The following CSRNP3 variants were observed in gnomAD, a reference collection of about 807,000 sequenced individuals.
CSRNP3 encodes cysteine and serine rich nuclear protein 3, also known as cysteine/serine-rich nuclear protein 3.
Under a neutral mutation model 48.0 loss-of-function variants are expected in CSRNP3, and 12 were observed. The observed-to-expected ratio is 0.25, with a 90% CI of 0.16 to 0.41. The LOEUF (loss-of-function observed/expected upper bound fraction) is 0.41. Ranked by LOEUF, CSRNP3 falls within the 10% of genes least tolerant of loss-of-function variation. The pLI, the probability that CSRNP3 is intolerant of heterozygous loss-of-function variation, is 1.00. For missense variants in CSRNP3, 580 were observed against 724.4 expected (o/e 0.80, Z 2.29); for synonymous variants, 263 against 269.7 (o/e 0.98, Z 0.24).
intron 3 of CSRNP3, among the ~76,000 whole-genome samples, chr2:165,522,770 A>G (rs375604289): frequency 6.6e-6 from 1 of 152,010 alleles, no homozygotes; most frequent in African/African-American, 2.4e-5. Context: ...GTTTGCTTGG[A>G]AACTAGCAGC....
chr2:165,489,154 G>A (rs552702482), intron 1 of CSRNP3, among the ~76,000 whole-genome samples: 2 of 150,890 alleles, frequency 1.3e-5, no homozygotes, highest in African/African-American at 2.5e-5. Flanking sequence ...TACCATCAGA[G>A]AATACTACAA....
chr2:165,544,859 A>G lies in CSRNP3; in HGVS notation c.-24+26898A>G, dbSNP rs73969296. Among the ~76,000 whole-genome samples the G allele has an allele frequency of 2.2e-3, 329 of 152,292 alleles. 1 individual carries two copies. Among genetic ancestry groups the G allele is most frequent in the African/African-American group, 7.5e-3 (312 of 41,552 alleles). On this transcript the variant is annotated intron_variant, in intron 3 of 6. Transcript: ENST00000651982. ...AAACCACAAGAGACTGTAAGATCAC[A>G]AAAAAGGTAAATGTAAATAGAGAAA...
At chr2:165,614,630 AT>A (rs1291372540) in intron 4 of CSRNP3, among the ~76,000 whole-genome samples, 2 of 152,130 alleles carry the variant, frequency 1.3e-5, no homozygotes, top group African/African-American at 4.8e-5. Flanking sequence ...ACAGTTTTTA[AT>A]CATGAAGGAT....
At chr2:165,496,836 T>C (rs544905213) in intron 2 of CSRNP3, among the ~76,000 whole-genome samples, 3 of 152,144 alleles carry the variant, frequency 2.0e-5, no homozygotes, top group Admixed American at 6.6e-5. Flanking sequence ...TCTATGACTT[T>C]CCTAAAGTTA....
At chr2:165,666,122 AAAGGAAGG>A (rs771470816) in intron 5 of CSRNP3, among the ~76,000 whole-genome samples, 9 of 110,370 alleles carry the variant, frequency 8.2e-5, no homozygotes, top group East Asian at 3.4e-4. Context: ...AGAGAGAGAG[AAAGGAAGG>A]AAGGAAGGAA....
rs914982264 is a variant in CSRNP3 at position 165,684,542 on chromosome 2, A to G, written c.*4789A>G. On this transcript the variant is annotated 3_prime_UTR_variant, in exon 7 of 7. Transcript: ENST00000651982. ...TGGTTGTATTCTTACCACAACCAAA[A>G]CCCAAAGTTTAAAGGCTTGATTACT... 8 of 152,076 alleles carry G rather than the reference A, an allele frequency of 5.3e-5. No homozygotes were observed. Among genetic ancestry groups the G allele is most frequent in the African/African-American group, 1.9e-4 (8 of 41,426 alleles). The allele number at this position is 152,076 out of a possible 1,614,324, so 9.4% of individuals were successfully genotyped here. A position where few individuals can be genotyped will look rare whatever the true frequency, so the allele number is the denominator to read the frequency against.
intron 4 of CSRNP3, among the ~76,000 whole-genome samples, chr2:165,638,461 CAA>C (rs202179325): frequency 2.1e-5 from 3 of 141,188 alleles, no homozygotes; most frequent in Non-Finnish European, 3.1e-5. Context: ...AACTCCATCT[CAA>C]AAAAAAAAAA....
At chr2:165,515,590 T>A (rs1287658772) in intron 2 of CSRNP3, among the ~76,000 whole-genome samples, 3 of 151,400 alleles carry the variant, frequency 2.0e-5, no homozygotes, top group Admixed American at 1.3e-4. Flanking sequence ...CGAAATAGCA[T>A]CCTCATTTTC....
At chr2:165,566,210 A>C (rs74762554) in intron 3 of CSRNP3, among the ~76,000 whole-genome samples, 8 of 5,612 alleles carry the variant, frequency 1.4e-3, no homozygotes, top group South Asian at 0.011. Flanking sequence ...CTATCGAGAT[A>C]AAAAAAAATC....
chr2:165,563,028 A>G (rs1160185882), intron 3 of CSRNP3, among the ~76,000 whole-genome samples: 2 of 152,158 alleles, frequency 1.3e-5, no homozygotes, highest in African/African-American at 4.8e-5. Flanking sequence ...CTGCTGTGCT[A>G]TAGACTGAAA....
chr2:165,616,015 G>A (rs541600564), intron 4 of CSRNP3, among the ~76,000 whole-genome samples: 1 of 151,094 alleles, frequency 6.6e-6, no homozygotes, highest in African/African-American at 2.4e-5. Flanking sequence ...ACAGGCATGA[G>A]CCATCATGCC....
At chr2:165,581,526 G>T (rs550118220) in intron 3 of CSRNP3, among the ~76,000 whole-genome samples, 4 of 125,256 alleles carry the variant, frequency 3.2e-5, no homozygotes, top group South Asian at 5.2e-4. Flanking sequence ...GTTATGCCCT[G>T]CCCACCCCTC....
chr2:165,535,224 TA>T (rs1206834071), intron 3 of CSRNP3, among the ~76,000 whole-genome samples: 4 of 151,768 alleles, frequency 2.6e-5, no homozygotes, highest in Non-Finnish European at 5.9e-5. Flanking sequence ...TTTAGATACA[TA>T]TTTTTTGTAA....
At position 165,681,527 on chromosome 2, in the gene CSRNP3, GCTCTTCCA is replaced by G. The variant is rs1340864359; in HGVS notation, c.*1777_*1784del. The G allele has an allele frequency of 6.6e-6, 1 of 151,492 alleles. No individual in the cohort carries two copies. The highest frequency in any genetic ancestry group is 1.5e-5 in the Non-Finnish European group (1 of 67,888). 9.4% of individuals were successfully genotyped at this position (151,492 alleles called of 1,614,324 possible). A position where few individuals can be genotyped will look rare whatever the true frequency, so the allele number is the denominator to read the frequency against. Reference sequence around the variant, plus strand: ...TTGGGGAAAAAATGTTTACTTGGCAGCTCTTCCACTGTGCAGTTGGTTTCTGCCCCTTC... The same window carrying G: ...TTGGGGAAAAAATGTTTACTTGGCAGCTGTGCAGTTGGTTTCTGCCCCTTC... On this transcript the variant is annotated 3_prime_UTR_variant, in exon 7 of 7. Transcript: ENST00000651982.
intron 3 of CSRNP3, among the ~76,000 whole-genome samples, chr2:165,575,226 G>C (rs1014553027): frequency 1.4e-4 from 22 of 151,992 alleles, no homozygotes; most frequent in African/African-American, 5.3e-4. Flanking sequence ...AGTCTGTCCT[G>C]CACCAAATAA....
intron 1 of CSRNP3, among the ~76,000 whole-genome samples, chr2:165,478,805 T>A (rs1173818229): frequency 6.6e-6 from 1 of 152,168 alleles, no homozygotes; most frequent in Non-Finnish European, 1.5e-5. Flanking sequence ...TGTATGTAGG[T>A]TACTTCCATC....
chr2:165,507,969 G>T (rs1057335172), intron 2 of CSRNP3, among the ~76,000 whole-genome samples: 1 of 151,956 alleles, frequency 6.6e-6, no homozygotes, highest in African/African-American at 2.4e-5. Context: ...GACAAAAATC[G>T]CATGGTTTCC....
At chr2:165,639,057 A>G (rs1686681211) in intron 4 of CSRNP3, among the ~76,000 whole-genome samples, 1 of 152,220 alleles carries the variant, frequency 6.6e-6, no homozygotes. Flanking sequence ...TTGATTGATT[A>G]ACATTAAACT....
intron 1 of CSRNP3, among the ~76,000 whole-genome samples, chr2:165,492,670 A>C (rs762354859): frequency 2.1e-5 from 3 of 143,938 alleles, no homozygotes; most frequent in Admixed American, 1.5e-4. Context: ...TTTTCTTCTT[A>C]TTATTTGTCT....
Sources: allele counts gnomAD v4.1 joint callset (sites outside exome capture counted in the v4.1 genomes callset), GRCh38; gene constraint gnomAD v4.1.1; transcripts MANE v1.5; gene names NCBI Gene and HGNC (gene_info 2026-07-23, HGNC 2026-07-21).